The following TM9SF4 variants were observed in gnomAD, a reference collection of about 807,000 sequenced individuals.
TM9SF4 encodes the protein transmembrane 9 superfamily member 4.
TM9SF4 carries 26 observed loss-of-function variants against 90.4 expected under a neutral mutation model. The observed-to-expected ratio is 0.29, with a 90% CI of 0.21 to 0.40. The LOEUF (loss-of-function observed/expected upper bound fraction) is 0.40. Among genes scored for constraint, TM9SF4 ranks in the 10% least tolerant of loss-of-function variants. The pLI is 1.00. For synonymous variants in TM9SF4, 293 were observed against 315.4 expected (o/e 0.93, Z 0.75); for missense variants, 549 against 834.8 (o/e 0.66, Z 4.22).
At chr20:32,121,881 C>G (rs1407013858) in intron 1 of TM9SF4, among the ~76,000 whole-genome samples, 2 of 144,404 alleles carry the variant, frequency 1.4e-5, no homozygotes, top group Non-Finnish European at 3.1e-5. Flanking sequence ...GGGCGGGGGG[C>G]TGACCCCCCC....
At chr20:32,144,558 G>A (rs1005926933) in intron 6 of TM9SF4, among the ~76,000 whole-genome samples, 5 of 152,174 alleles carry the variant, frequency 3.3e-5, no homozygotes, top group East Asian at 3.9e-4. Context: ...CCATGCACAG[G>A]CCTCTCTGCA....
chr20:32,134,819 C>G (rs1052100466), intron 2 of TM9SF4, among the ~76,000 whole-genome samples: 1 of 151,994 alleles, frequency 6.6e-6, no homozygotes, highest in Non-Finnish European at 1.5e-5. Flanking sequence ...ATTATAGGTG[C>G]ACACCACCAT....
chr20:32,150,764 G>A (rs770838364), intron 11 of TM9SF4, 36 bp from the exon 12 acceptor site: 12 of 1,614,064 alleles, frequency 7.4e-6, no homozygotes, highest in Non-Finnish European at 1.0e-5. Context: ...CAGCTAATGG[G>A]TCCCCTTGGT....
intron 1 of TM9SF4, among the ~76,000 whole-genome samples, chr20:32,122,376 G>C (rs1335465939): frequency 1.3e-5 from 2 of 151,496 alleles, no homozygotes; most frequent in East Asian, 3.9e-4. Context: ...AGACGGGGTG[G>C]CTGCCGGGCG....
chr20:32,151,867 T>C (rs538841063), intron 12 of TM9SF4, among the ~76,000 whole-genome samples: 31 of 151,576 alleles, frequency 2.0e-4, no homozygotes, highest in African/African-American at 7.3e-4. Flanking sequence ...TTTTGTTTTT[T>C]TGTTTTTTTT....
intron 3 of TM9SF4, among the ~76,000 whole-genome samples, chr20:32,140,083 A>G (rs1168675306): frequency 2.6e-5 from 4 of 152,238 alleles, no homozygotes; most frequent in African/African-American, 9.6e-5. Flanking sequence ...TACCCAGTAC[A>G]TGTTCACGGA....
intron 8 of TM9SF4, 86 bp downstream of exon 8, chr20:32,145,509 G>A: frequency 8.3e-7 from 1 of 1,201,998 alleles, no homozygotes; most frequent in Non-Finnish European, 1.2e-6. Context: ...GGACTTCCAG[G>A]GTGTTCTGAG....
intron 1 of TM9SF4, among the ~76,000 whole-genome samples, chr20:32,121,637 G>C (rs1023778391): frequency 1.2e-4 from 18 of 152,174 alleles, no homozygotes; most frequent in Admixed American, 9.2e-4. Flanking sequence ...CCGATTTCTC[G>C]ATCCCTTCCC....
At chr20:32,152,377 C>T (rs1049879017) in intron 12 of TM9SF4, among the ~76,000 whole-genome samples, 3 of 150,842 alleles carry the variant, frequency 2.0e-5, no homozygotes, top group African/African-American at 7.3e-5. Flanking sequence ...ATCTAGTGAG[C>T]CCATCATTGA....
rs17093836 is a variant in TM9SF4 at position 32,143,172 on chromosome 20, C to T, written c.652+67C>T. 3.4e-3 allele frequency: 5,354 copies of T among 1,576,500 alleles called. 143 individuals carry two copies. The African/African-American group carries it at 0.059, about 17-fold the overall frequency. ...CCTGGGCTTCTCCACGCAGGGTCTT[C>T]GCACTCTTCTCCCTCCTGAGCTGGC... is the stretch of plus-strand genomic sequence containing the variant. On this transcript the variant is annotated intron_variant, in intron 6 of 17. Coordinates refer to ENST00000398022, the MANE Select transcript of TM9SF4 (RefSeq NM_014742.4).
intron 1 of TM9SF4, among the ~76,000 whole-genome samples, chr20:32,130,072 C>A (rs1253642930): frequency 1.3e-5 from 2 of 152,090 alleles, no homozygotes; most frequent in Non-Finnish European, 2.9e-5. Flanking sequence ...GTTTATAATG[C>A]CTATAGCCAT....
In TM9SF4 at chr20:32,165,540, G is replaced by T. The variant is rs371364855; in HGVS notation, c.*96G>T. The T allele has an allele frequency of 1.4e-5, 20 of 1,428,004 alleles. No individual in the cohort carries two copies. The highest frequency in any genetic ancestry group is 1.7e-5 in the Non-Finnish European group (18 of 1,034,752). 88.5% of individuals were successfully genotyped at this position (1,428,004 alleles called of 1,614,324 possible). ...ACGCAAAATAAAATAACTCCTGCTC[G>T]TTTGGAATGTAACTCCTGGCACAGT... On this transcript the variant is annotated 3_prime_UTR_variant, in exon 18 of 18. Transcript: ENST00000398022.
At chr20:32,125,123 A>G (rs1049576284) in intron 1 of TM9SF4, among the ~76,000 whole-genome samples, 1 of 152,120 alleles carries the variant, frequency 6.6e-6, no homozygotes, top group African/African-American at 2.4e-5. Context: ...TGACGGTTGC[A>G]TAGCTTTCCT....
intron 1 of TM9SF4, among the ~76,000 whole-genome samples, chr20:32,123,866 A>ATATATATATATATATTTTTT: frequency 2.1e-5 from 2 of 93,978 alleles, no homozygotes; most frequent in African/African-American, 9.1e-5. Context: ...ATATATATAT[A>ATATATATATATATATTTTTT]TTTTTTTTTT....
chr20:32,139,988 A>T (rs144052536), intron 3 of TM9SF4, among the ~76,000 whole-genome samples: 2 of 152,360 alleles, frequency 1.3e-5, no homozygotes, highest in African/African-American at 4.8e-5. Flanking sequence ...CTGATTATTC[A>T]GCAAAGTCTA....
intron 1 of TM9SF4, chr20:32,116,589 C>G (rs1266605085): frequency 2.0e-5 from 3 of 152,268 alleles, no homozygotes; most frequent in Non-Finnish European, 4.4e-5. Flanking sequence ...AACAGCTACT[C>G]TGTGTCTGTG....
chr20:32,151,452 C>CCTT (rs2046839928), intron 12 of TM9SF4, among the ~76,000 whole-genome samples: 1 of 118,320 alleles, frequency 8.5e-6, no homozygotes, highest in Non-Finnish European at 1.8e-5. Flanking sequence ...GCGAGTGAGT[C>CCTT]TCTTAGAGGA....
intron 3 of TM9SF4, among the ~76,000 whole-genome samples, chr20:32,137,588 A>G (rs975579381): frequency 6.6e-6 from 1 of 152,264 alleles, no homozygotes; most frequent in East Asian, 1.9e-4. Context: ...TGTGTCTCAC[A>G]TTCCCCTCTC....
intron 1 of TM9SF4, among the ~76,000 whole-genome samples, chr20:32,111,576 A>C (rs537765101): frequency 6.6e-6 from 1 of 152,334 alleles, no homozygotes; most frequent in South Asian, 2.1e-4. Flanking sequence ...GAACAAGTAA[A>C]TACGTGAACA....
Sources: allele counts gnomAD v4.1 joint callset (sites outside exome capture counted in the v4.1 genomes callset), GRCh38; gene constraint gnomAD v4.1.1; transcripts MANE v1.5; gene names NCBI Gene and HGNC (gene_info 2026-07-23, HGNC 2026-07-21).